Variants in INPP4B observed in about 807,000 individuals in gnomAD.
INPP4B encodes inositol polyphosphate-4-phosphatase type II B.
Under a neutral mutation model 122.5 loss-of-function variants are expected in INPP4B, and 55 were observed. That is an observed-to-expected ratio of 0.45 (90% confidence interval 0.36 to 0.56). INPP4B has a LOEUF of 0.56. INPP4B is among the 20% of genes least tolerant of loss of function. INPP4B has a pLI of 0.00. For missense variants in INPP4B, 1,000 were observed against 1,097.7 expected, an observed-to-expected ratio of 0.91 and a Z score of 1.26; for synonymous variants, 403 against 388.7, an observed-to-expected ratio of 1.04 and a Z score of -0.43.
chr4:142,788,052 C>A (rs1775995219), intron 1 of INPP4B, among the ~76,000 whole-genome samples: 2 of 152,080 alleles, frequency 1.3e-5, no homozygotes, highest in South Asian at 4.2e-4. Context: ...AGCCTTAAAG[C>A]CAGCTTATAA....
intron 25 of INPP4B, among the ~76,000 whole-genome samples, chr4:142,040,818 T>C (rs1746985946): frequency 6.6e-6 from 1 of 152,202 alleles, no homozygotes; most frequent in African/African-American, 2.4e-5. Flanking sequence ...TACTTTAAAA[T>C]GTGAACAATC....
intron 21 of INPP4B, among the ~76,000 whole-genome samples, chr4:142,118,876 A>C (rs1795147617): frequency 6.6e-6 from 1 of 152,188 alleles, no homozygotes; most frequent in Non-Finnish European, 1.5e-5. Flanking sequence ...AATTGGAGAA[A>C]ATTTTTACAA....
chr4:142,815,818 A>T (rs531356242), intron 1 of INPP4B, among the ~76,000 whole-genome samples: 200 of 152,288 alleles, frequency 1.3e-3, no homozygotes, highest in African/African-American at 4.5e-3. Context: ...TTTAAAGGGT[A>T]GGTGAGAAAC....
At chr4:142,613,845 A>G (rs554178780) in intron 2 of INPP4B, among the ~76,000 whole-genome samples, 1 of 152,322 alleles carries the variant, frequency 6.6e-6, no homozygotes, top group South Asian at 2.1e-4. Context: ...AGATATCATG[A>G]TCTTCAAGGT....
At chr4:142,797,275 G>T (rs942195251) in intron 1 of INPP4B, among the ~76,000 whole-genome samples, 1 of 151,896 alleles carries the variant, frequency 6.6e-6, no homozygotes, top group Non-Finnish European at 1.5e-5. Flanking sequence ...GCACCCAGGT[G>T]TTCTAAAATC....
intron 7 of INPP4B, 143 bp downstream of exon 7, chr4:142,402,795 A>G: frequency 1.7e-6 from 1 of 599,822 alleles, no homozygotes; most frequent in Non-Finnish European, 3.0e-6. Flanking sequence ...CATATTTGGG[A>G]AAAAAACAAC....
chr4:142,641,902 T>C (rs1486962305), intron 2 of INPP4B, among the ~76,000 whole-genome samples: 1 of 152,198 alleles, frequency 6.6e-6, no homozygotes, highest in African/African-American at 2.4e-5. Flanking sequence ...AAAGTGTTCC[T>C]ATTTCTCCAC....
At chr4:142,064,721 G>A (rs933215711) in intron 25 of INPP4B, among the ~76,000 whole-genome samples, 14 of 151,788 alleles carry the variant, frequency 9.2e-5, no homozygotes, top group Non-Finnish European at 1.5e-4. Flanking sequence ...AAAATCTTTA[G>A]CACAAAATCA....
At chr4:142,813,119 A>G (rs1240758890) in intron 1 of INPP4B, among the ~76,000 whole-genome samples, 2 of 152,200 alleles carry the variant, frequency 1.3e-5, no homozygotes, top group Non-Finnish European at 2.9e-5. Flanking sequence ...CTAGTGCTAC[A>G]TGAACTCTTT....
At chr4:142,179,486 A>AG (rs1193456865) in intron 15 of INPP4B, among the ~76,000 whole-genome samples, 1 of 151,534 alleles carries the variant, frequency 6.6e-6, no homozygotes, top group East Asian at 1.9e-4. Flanking sequence ...AAAAAAAAAA[A>AG]AAAAAGGTTT....
At chr4:142,162,747 C>A (rs1478229835) in intron 16 of INPP4B, among the ~76,000 whole-genome samples, 1 of 151,934 alleles carries the variant, frequency 6.6e-6, no homozygotes, top group African/African-American at 2.4e-5. Flanking sequence ...CCACCAAAGG[C>A]AAGGGAGATC....
At chr4:142,339,832 A>C (rs1014576692) in intron 7 of INPP4B, among the ~76,000 whole-genome samples, 1 of 152,144 alleles carries the variant, frequency 6.6e-6, no homozygotes, top group East Asian at 1.9e-4. Flanking sequence ...CATTGTATAG[A>C]TCTCTTATTT....
chr4:142,728,821 T>G lies in INPP4B; in HGVS notation c.-253-2920A>C, dbSNP rs954238053. ...TTTCTAGCCTCCAGAAATGTGACAC[T>G]AAATTTCTCTTGTTCTAAGCTACTT... is the stretch of plus-strand genomic sequence containing the variant. On this transcript the variant is annotated intron_variant, in intron 1 of 25. Coordinates refer to ENST00000262992, the MANE Select transcript of INPP4B (RefSeq NM_001101669.3). 1.3e-5 allele frequency among the ~76,000 whole-genome samples: 2 copies of G among 152,214 alleles called. 1 individual carries two copies. Among genetic ancestry groups the G allele is most frequent in the East Asian group, 3.9e-4 (2 of 5,194 alleles).
chr4:142,457,253 C>T (rs1048016160), intron 3 of INPP4B, among the ~76,000 whole-genome samples: 8 of 151,914 alleles, frequency 5.3e-5, no homozygotes, highest in Admixed American at 2.6e-4. Flanking sequence ...AAACATAGTA[C>T]AGTCCATAAA....
At chr4:142,444,811 T>A (rs988829440) in intron 3 of INPP4B, among the ~76,000 whole-genome samples, 4 of 152,102 alleles carry the variant, frequency 2.6e-5, no homozygotes, top group East Asian at 3.9e-4. Context: ...ATAAACACCA[T>A]GGAAGAGTAT....
In INPP4B at chr4:142,729,036, A is replaced by G. The variant is rs144445370; in HGVS notation, c.-253-3135T>C. ...TTTTTCTAAAGATGGGGGAGGTGGA[A>G]TGGTTTCCAAATGAAACCATTCTAC... On this transcript the variant is annotated intron_variant, in intron 1 of 25. Transcript: ENST00000262992. Among the ~76,000 whole-genome samples, 8 of 152,310 alleles carry G rather than the reference A, an allele frequency of 5.3e-5. 1 individual carries two copies. In the East Asian group the frequency reaches 1.5e-3, roughly 29 times the overall value.
intron 17 of INPP4B, among the ~76,000 whole-genome samples, chr4:142,149,494 C>G (rs900726031): frequency 2.6e-5 from 4 of 152,102 alleles, no homozygotes; most frequent in African/African-American, 9.7e-5. Context: ...AGACTTGATT[C>G]TTCCACTGTG....
At chr4:142,428,289 T>A (rs1362518709) in intron 5 of INPP4B, among the ~76,000 whole-genome samples, 7 of 151,220 alleles carry the variant, frequency 4.6e-5, no homozygotes, top group African/African-American at 2.4e-5. Flanking sequence ...AAAATATATA[T>A]ATTAATATGT....
chr4:142,418,062 A>G (rs1378558725), intron 5 of INPP4B, among the ~76,000 whole-genome samples: 1 of 152,144 alleles, frequency 6.6e-6, no homozygotes, highest in Non-Finnish European at 1.5e-5. Flanking sequence ...TATGCAGTCA[A>G]CAGATACGCA....
Sources: gnomAD v4.1 joint callset for allele counts (sites outside exome capture counted in the v4.1 genomes callset) on GRCh38, gnomAD v4.1.1 for gene constraint, MANE v1.5 for transcripts, NCBI Gene and HGNC (gene_info 2026-07-23, HGNC 2026-07-21) for gene names.